The following FRMPD4 variants were observed in gnomAD, a reference collection of about 807,000 sequenced individuals.
FRMPD4 encodes the protein FERM and PDZ domain-containing protein 4.
FRMPD4 carries 22 observed loss-of-function variants against 94.1 expected under a neutral mutation model. The observed-to-expected ratio is 0.23, with a 90% CI of 0.17 to 0.33. The LOEUF (loss-of-function observed/expected upper bound fraction) is 0.33, where lower values mean the gene tolerates loss of function less well. Among genes scored for constraint, FRMPD4 ranks in the 10% least tolerant of loss-of-function variants. FRMPD4 has a pLI of 1.00. For missense variants in FRMPD4, 1,111 were observed against 1,339.9 expected, an observed-to-expected ratio of 0.83 and a Z score of 2.67; for synonymous variants, 631 against 548.6, an observed-to-expected ratio of 1.15 and a Z score of -2.10.
intron 1 of FRMPD4, among the ~76,000 whole-genome samples, chrX:12,276,674 A>T (rs2054442199): frequency 9.0e-6 from 1 of 111,287 alleles, no homozygotes; most frequent in African/African-American, 3.3e-5. Flanking sequence ...AAAATGAGGC[A>T]TGTCCAGTTC....
intron 1 of FRMPD4, among the ~76,000 whole-genome samples, chrX:12,307,135 GA>G (rs2054953159): frequency 8.9e-6 from 1 of 112,084 alleles, no homozygotes; most frequent in Non-Finnish European, 1.9e-5. Context: ...TTGACTGTTG[GA>G]ACAAGGAGAG....
At chrX:12,552,647 T>C (rs936407991) in intron 2 of FRMPD4, among the ~76,000 whole-genome samples, 1 of 112,102 alleles carries the variant, frequency 8.9e-6, no homozygotes, top group Non-Finnish European at 1.9e-5. Flanking sequence ...CACTTAGCTT[T>C]TGATTTCTAA....
At chrX:11,908,931 T>C (rs931317797) in intron 3 of FRMPD4, among the ~76,000 whole-genome samples, 2 of 112,206 alleles carry the variant, frequency 1.8e-5, no homozygotes, top group African/African-American at 6.5e-5. Context: ...ACATATCCTT[T>C]TTATATGTTG....
At chrX:12,249,309 C>G (rs971747934) in intron 1 of FRMPD4, among the ~76,000 whole-genome samples, 4 of 111,573 alleles carry the variant, frequency 3.6e-5, no homozygotes, top group Non-Finnish European at 7.5e-5. Flanking sequence ...GGATGCCTGA[C>G]CTTTGGTTTT....
At chrX:12,502,415 G>A (rs952619416) in intron 2 of FRMPD4, among the ~76,000 whole-genome samples, 1 of 111,370 alleles carries the variant, frequency 9.0e-6, no homozygotes. Context: ...GGGGAAGGGA[G>A]GAAGACAGAT....
intron 1 of FRMPD4, among the ~76,000 whole-genome samples, chrX:12,214,235 TA>T (rs1452108522): frequency 1.8e-5 from 2 of 111,661 alleles, no homozygotes; most frequent in Non-Finnish European, 3.8e-5. Context: ...TACTGGCCTT[TA>T]AAAATACCAA....
chrX:12,572,572 G>A (rs969090285), intron 2 of FRMPD4, among the ~76,000 whole-genome samples: 1 of 111,976 alleles, frequency 8.9e-6, no homozygotes, highest in Admixed American at 9.5e-5. Context: ...TTATGGGGGT[G>A]TCTATCTTAT....
chrX:11,923,453 C>T (rs752713479), intron 3 of FRMPD4, among the ~76,000 whole-genome samples: 13 of 111,885 alleles, frequency 1.2e-4, no homozygotes, highest in Non-Finnish European at 2.1e-4. Flanking sequence ...CAACAGGGCC[C>T]CCTTACCCCC....
chrX:12,513,031 G>A (rs761649616), intron 2 of FRMPD4, among the ~76,000 whole-genome samples: 5 of 112,174 alleles, frequency 4.5e-5, no homozygotes, highest in Non-Finnish European at 7.5e-5. Flanking sequence ...GTTGAGAAGC[G>A]TCTGTTCGTA....
At chrX:12,101,805 T>C (rs2055258177) in intron 3 of FRMPD4, among the ~76,000 whole-genome samples, 1 of 111,974 alleles carries the variant, frequency 8.9e-6, no homozygotes, top group Non-Finnish European at 1.9e-5. Context: ...ATTACCCAGA[T>C]AACATTTTTA....
intron 3 of FRMPD4, among the ~76,000 whole-genome samples, chrX:11,880,054 G>C (rs1406263542): frequency 8.9e-6 from 1 of 112,122 alleles, no homozygotes; most frequent in Non-Finnish European, 1.9e-5. Flanking sequence ...AAATTAAAGT[G>C]ACTTGAGATT....
intron 1 of FRMPD4, among the ~76,000 whole-genome samples, chrX:12,392,261 G>A (rs1255836368): frequency 2.8e-5 from 3 of 106,455 alleles, no homozygotes; most frequent in African/African-American, 6.8e-5. Flanking sequence ...GGTTGGTCTC[G>A]AATTCCTGAC....
intron 4 of FRMPD4, among the ~76,000 whole-genome samples, chrX:12,670,090 T>G (rs2059823846): frequency 8.9e-6 from 1 of 111,924 alleles, no homozygotes; most frequent in South Asian, 3.8e-4. Context: ...AGTGAACAAA[T>G]AAATTCAGTG....
chrX:12,515,309 G>C (rs925473281), intron 2 of FRMPD4, among the ~76,000 whole-genome samples: 1 of 111,497 alleles, frequency 9.0e-6, no homozygotes, highest in Non-Finnish European at 1.9e-5. Flanking sequence ...GTCAATTTGA[G>C]ATCTTTCTAG....
intron 3 of FRMPD4, among the ~76,000 whole-genome samples, chrX:12,028,146 G>C (rs4469659): frequency 0.13 from 13,924 of 111,238 alleles, 976 homozygotes; most frequent in African/African-American, 0.24. Context: ...AGTCCACTAC[G>C]AAGCTCATGA....
intron 14 of FRMPD4, among the ~76,000 whole-genome samples, chrX:12,713,083 T>A (rs4830473): frequency 1.2e-4 from 12 of 104,131 alleles, no homozygotes; most frequent in Non-Finnish European, 1.6e-4. Flanking sequence ...ATCCTGTGTC[T>A]AAAAGAAAAA....
intron 3 of FRMPD4, among the ~76,000 whole-genome samples, chrX:11,949,911 G>A (rs754052291): frequency 4.5e-5 from 5 of 112,142 alleles, no homozygotes; most frequent in Non-Finnish European, 7.5e-5. Flanking sequence ...AATTGTATAT[G>A]TTAAAGGTGT....
chrX:12,011,050 A>C (rs758118676), intron 3 of FRMPD4, among the ~76,000 whole-genome samples: 4 of 112,558 alleles, frequency 3.6e-5, no homozygotes, highest in Non-Finnish European at 7.5e-5. Flanking sequence ...AGTTAAACAT[A>C]AGCTATACTA....
In FRMPD4 at chrX:12,717,775, T is replaced by C; in HGVS notation, c.2949T>C (p.Val983=). ...CAGCAACCGACCTCCCGCCCAAAGT[T>C]GTGCCTTCCAAGCAGTTACTTCACT... ...ARPATDLPPK[V]VPSKQLLHSD... is the part of the protein sequence containing the mutation. The change falls in exon 16 of 17, where the codon GTT becomes GTC. Residue 983 remains valine, a synonymous_variant. Coordinates refer to ENST00000675598, the MANE Select transcript of FRMPD4 (RefSeq NM_001368397.1). 1 of 1,211,985 alleles carries C rather than the reference T, an allele frequency of 8.3e-7. No homozygotes were observed. The highest frequency in any genetic ancestry group is 1.8e-5 in the South Asian group (1 of 57,014).
Sources: allele counts gnomAD v4.1 joint callset (sites outside exome capture counted in the v4.1 genomes callset), GRCh38; gene constraint gnomAD v4.1.1; transcripts MANE v1.5; gene names NCBI Gene and HGNC (gene_info 2026-07-23, HGNC 2026-07-21).